Variants in CNTNAP2 observed in about 807,000 individuals in gnomAD.
CNTNAP2 encodes the protein contactin associated protein 2.
Under a neutral mutation model 155.2 loss-of-function variants are expected in CNTNAP2, and 98 were observed. The observed-to-expected ratio is 0.63, with a 90% CI of 0.54 to 0.75. The LOEUF (loss-of-function observed/expected upper bound fraction) is 0.75. CNTNAP2 is among the 30% of genes least tolerant of loss of function. The pLI is 0.00. For missense variants in CNTNAP2, 1,727 were observed against 1,688.1 expected (o/e 1.02, Z -0.40); for synonymous variants, 651 against 631.2 (o/e 1.03, Z -0.47).
At chr7:147,393,402 C>A (rs1584921265) in intron 9 of CNTNAP2, among the ~76,000 whole-genome samples, 1 of 150,674 alleles carries the variant, frequency 6.6e-6, no homozygotes, top group Middle Eastern at 3.4e-3. Context: ...TGCTTCAGAG[C>A]AGCTTTTATT....
intron 1 of CNTNAP2, among the ~76,000 whole-genome samples, chr7:146,648,330 C>T (rs893950521): frequency 6.6e-5 from 10 of 151,954 alleles, no homozygotes; most frequent in African/African-American, 9.7e-5. Flanking sequence ...AAGAAGTGAA[C>T]GTTTTCAAAC....
chr7:146,447,934 G>A (rs889691259), intron 1 of CNTNAP2, among the ~76,000 whole-genome samples: 3 of 151,872 alleles, frequency 2.0e-5, no homozygotes, highest in South Asian at 2.1e-4. Context: ...TTGAAAAAAT[G>A]GGGATAACAA....
intron 21 of CNTNAP2, among the ~76,000 whole-genome samples, chr7:148,317,883 C>T (rs1444323265): frequency 2.6e-5 from 4 of 151,998 alleles, no homozygotes; most frequent in East Asian, 3.9e-4. Context: ...TTAGTAGAGA[C>T]GGGGATTCAC....
chr7:147,094,641 C>G (rs186222530), intron 4 of CNTNAP2, among the ~76,000 whole-genome samples: 1 of 151,816 alleles, frequency 6.6e-6, no homozygotes, highest in Admixed American at 6.6e-5. Flanking sequence ...CTCCTGACCT[C>G]GTGATCCGCC....
At chr7:148,073,448 C>T (rs1563189814) in intron 15 of CNTNAP2, among the ~76,000 whole-genome samples, 1 of 152,170 alleles carries the variant, frequency 6.6e-6, no homozygotes, top group Admixed American at 6.5e-5. Context: ...AATCTTACAC[C>T]ATCCCACCAG....
chr7:147,216,437 C>A (rs1803270623), intron 8 of CNTNAP2, among the ~76,000 whole-genome samples: 1 of 151,934 alleles, frequency 6.6e-6, no homozygotes, highest in African/African-American at 2.4e-5. Flanking sequence ...TTAAGACTTT[C>A]TTTGCTCCAT....
At chr7:148,051,997 G>C (rs2116495818) in intron 15 of CNTNAP2, among the ~76,000 whole-genome samples, 1 of 152,198 alleles carries the variant, frequency 6.6e-6, no homozygotes, top group East Asian at 1.9e-4. Flanking sequence ...AAATTAGCCG[G>C]GCGTGGTGGC....
intron 14 of CNTNAP2, among the ~76,000 whole-genome samples, chr7:147,929,354 TCCTCCCAATGCTTCAACAAGAACA>T: frequency 6.6e-6 from 1 of 152,200 alleles, no homozygotes; most frequent in East Asian, 1.9e-4. Context: ...GGAGAAGGAC[TCCTCCCAATGCTTCAACAAGAACA>T]CAGCTGTGTA....
chr7:147,682,547 A>C (rs543347061), intron 13 of CNTNAP2, among the ~76,000 whole-genome samples: 1 of 151,960 alleles, frequency 6.6e-6, no homozygotes, highest in African/African-American at 2.4e-5. Flanking sequence ...CATATAAGCT[A>C]TCAGCCACAC....
intron 20 of CNTNAP2, among the ~76,000 whole-genome samples, chr7:148,231,757 G>A (rs1795965888): frequency 1.3e-5 from 2 of 152,174 alleles, no homozygotes; most frequent in Non-Finnish European, 2.9e-5. Flanking sequence ...CCTGGTTTGA[G>A]TCACGTGCTC....
At chr7:146,809,839 A>G (rs1055595864) in intron 2 of CNTNAP2, among the ~76,000 whole-genome samples, 1 of 152,060 alleles carries the variant, frequency 6.6e-6, no homozygotes, top group African/African-American at 2.4e-5. Flanking sequence ...GCTGTACAGA[A>G]GTTTTTAGTT....
intron 1 of CNTNAP2, among the ~76,000 whole-genome samples, chr7:146,732,883 AT>A (rs1340722425): frequency 1.3e-5 from 2 of 152,150 alleles, no homozygotes; most frequent in African/African-American, 4.8e-5. Context: ...TATTTGCATT[AT>A]TTTTTATTAT....
intron 13 of CNTNAP2, among the ~76,000 whole-genome samples, chr7:147,705,981 A>AT (rs113330542): frequency 0.014 from 2,079 of 145,348 alleles, 43 homozygotes; most frequent in African/African-American, 0.048. Context: ...GAGTTGGCTC[A>AT]TTTTTTTTTT....
At chr7:147,898,479 G>C (rs2116742221) in intron 13 of CNTNAP2, among the ~76,000 whole-genome samples, 1 of 152,148 alleles carries the variant, frequency 6.6e-6, no homozygotes, top group East Asian at 1.9e-4. Flanking sequence ...ATCCCAAGAG[G>C]GTGGATGAGT....
chr7:148,138,614 T>C (rs2906310), intron 16 of CNTNAP2, among the ~76,000 whole-genome samples: 42,225 of 152,092 alleles, frequency 0.28, 6,043 homozygotes, highest in East Asian at 0.36. Flanking sequence ...CTCCTCTTCA[T>C]CTCTAGGGGA....
intron 13 of CNTNAP2, among the ~76,000 whole-genome samples, chr7:147,695,451 A>G (rs904906608): frequency 1.3e-5 from 2 of 152,192 alleles, no homozygotes; most frequent in Non-Finnish European, 2.9e-5. Flanking sequence ...TGCCAACTAT[A>G]ACAGTGGGAC....
intron 8 of CNTNAP2, among the ~76,000 whole-genome samples, chr7:147,224,325 T>C (rs746548668): frequency 2.6e-5 from 4 of 152,088 alleles, no homozygotes; most frequent in Non-Finnish European, 4.4e-5. Context: ...GATTGAAAAA[T>C]CAAAACAATG....
chr7:147,193,038 G>T (rs1018074), intron 8 of CNTNAP2, among the ~76,000 whole-genome samples: 78,276 of 151,976 alleles, frequency 0.52, 20,694 homozygotes, highest in South Asian at 0.66. Context: ...TGGACAACCT[G>T]GGTTGTGATC....
At chr7:147,692,378 C>T (rs1192580632) in intron 13 of CNTNAP2, among the ~76,000 whole-genome samples, 1 of 152,096 alleles carries the variant, frequency 6.6e-6, no homozygotes, top group African/African-American at 2.4e-5. Context: ...CCAAACAACA[C>T]TATTGCTGTA....
Sources: allele counts gnomAD v4.1 joint callset (sites outside exome capture counted in the v4.1 genomes callset), GRCh38; gene constraint gnomAD v4.1.1; transcripts MANE v1.5; gene names NCBI Gene and HGNC (gene_info 2026-07-23, HGNC 2026-07-21).